LRP2BP: variants seen among roughly 807,000 people sequenced by gnomAD.
LRP2BP encodes LRP2-binding protein.
LRP2BP carries 38 observed loss-of-function variants against 45.2 expected under a neutral mutation model. The ratio of observed to expected loss-of-function variants is 0.84; its 90% CI spans 0.65 to 1.10. LRP2BP has a LOEUF of 1.10. LRP2BP is among the 50% of genes least tolerant of loss of function. The pLI is 0.00. For missense variants in LRP2BP, 385 were observed against 418.9 expected (o/e 0.92, Z 0.71); for synonymous variants, 153 against 153.9 (o/e 0.99, Z 0.04).
chr4:185,393,411 C>G (rs921162718), intron 1 of LRP2BP, among the ~76,000 whole-genome samples: 1 of 152,182 alleles, frequency 6.6e-6, no homozygotes, highest in Non-Finnish European at 1.5e-5. Flanking sequence ...CAATAAGAAA[C>G]AGGAAAACCA....
At chr4:185,396,042 G>A (rs1267409646), upstream of LRP2BP, 6 of 341,476 alleles carry the variant, frequency 1.8e-5, no homozygotes, top group Non-Finnish European at 2.5e-5. Flanking sequence ...CAGCCCCGCG[G>A]GTCCGAATCG....
At chr4:185,393,731 G>C (rs2126855729) in intron 1 of LRP2BP, among the ~76,000 whole-genome samples, 1 of 151,934 alleles carries the variant, frequency 6.6e-6, no homozygotes, top group Non-Finnish European at 1.5e-5. Flanking sequence ...TCACCATGTT[G>C]GCCATTCTGG....
chr4:185,371,270 T>G (rs2126786714), intron 7 of LRP2BP, among the ~76,000 whole-genome samples: 1 of 152,286 alleles, frequency 6.6e-6, no homozygotes, highest in South Asian at 2.1e-4. Flanking sequence ...CTGGGCGCGG[T>G]GGCTCACGCC....
Position 185,372,873 on chromosome 4 carries a change from A to G in LRP2BP, c.786T>C (p.Cys262=). 6.2e-7 allele frequency: 1 copy of G among 1,608,394 alleles called. No individual in the cohort carries two copies. Among genetic ancestry groups the G allele is most frequent in the Non-Finnish European group, 8.5e-7 (1 of 1,175,208 alleles). ...ACATTCACCTTTTGGAAAATGCAAC[A>G]CACTTTGTAAAAAATTTCATCTTAT... is the stretch of plus-strand genomic sequence containing the variant. ...YYYKMKFFTK[C]VAFSKRIADY... is the part of the protein sequence containing the mutation. Residue 262 remains cysteine, a synonymous_variant, in exon 7 of 9, where the codon TGT becomes TGC. Coordinates refer to ENST00000505916, the MANE Select transcript of LRP2BP (RefSeq NM_001377440.1).
chr4:185,377,837 A>G (rs2095443212), intron 2 of LRP2BP: 3 of 380,860 alleles, frequency 7.9e-6, no homozygotes, highest in Non-Finnish European at 1.4e-5. Flanking sequence ...TCTGTTTTCT[A>G]GAAGCATGTC....
chr4:185,381,745 G>A (rs545089887), intron 1 of LRP2BP, among the ~76,000 whole-genome samples: 1 of 152,230 alleles, frequency 6.6e-6, no homozygotes, highest in South Asian at 2.1e-4. Flanking sequence ...CAGCTGTTTT[G>A]GGGGGCTTCA....
chr4:185,379,993 C>G (rs2095450930), intron 1 of LRP2BP, among the ~76,000 whole-genome samples: 1 of 152,118 alleles, frequency 6.6e-6, no homozygotes, highest in South Asian at 2.1e-4. Flanking sequence ...CCAGCTAATT[C>G]CTTAAAATTT....
rs143178247 is a variant in LRP2BP, at chr4:185,376,932, G to A, written c.193C>T (p.Arg65Ter). The change falls in exon 3 of 9, where the codon CGA becomes TGA. Residue 65 changes from arginine to a stop codon, truncating the protein, a stop_gained. Coordinates refer to ENST00000505916, the MANE Select transcript of LRP2BP (RefSeq NM_001377440.1). LOFTEE classifies it high-confidence loss of function. The stretch of plus-strand genomic sequence containing the variant: ...ACCTCTTCAAAATATAGTTGACCTC[G>A]TAGGAAATATGCCAGAGTGTCTCCT... Reference protein sequence around the residue: ...LKGDTLAYFLRGQLYFEEGWY... With the variant: ...LKGDTLAYFL The A allele has an allele frequency of 2.2e-5, 36 of 1,612,896 alleles. No individual in the cohort carries two copies. In the South Asian group the frequency reaches 2.9e-4, roughly 13 times the overall value.
chr4:185,383,634 C>G (rs892073155), intron 1 of LRP2BP, among the ~76,000 whole-genome samples: 6 of 152,240 alleles, frequency 3.9e-5, no homozygotes, highest in Admixed American at 1.3e-4. Context: ...ACATCAGGAA[C>G]TTGGCACTTC....
chr4:185,374,175 C>T lies in LRP2BP; in HGVS notation c.539G>A (p.Gly180Glu), dbSNP rs1256237655. 6.2e-7 allele frequency: 1 copy of T among 1,614,056 alleles called. No homozygotes were observed. Among genetic ancestry groups the T allele is most frequent in the Non-Finnish European group, 8.5e-7 (1 of 1,180,006 alleles). Residue 180 changes from glycine (G) to glutamate (E), a missense_variant, in exon 6 of 9, where the codon GGG becomes GAG. By Grantham distance (98) the Gly-to-Glu change is moderately conservative. Transcript: ENST00000505916. ...KASVKAQSML[G>E]LYYSTKEPKE... ...GGGCTCCTTGGTTGAGTAATACAGCCCGAGCATACTTTGAGCCTTCACACT... is the reference window on the plus strand; with the variant it reads ...GGGCTCCTTGGTTGAGTAATACAGCTCGAGCATACTTTGAGCCTTCACACT...
chr4:185,393,168 T>TG (rs34491737), intron 1 of LRP2BP, among the ~76,000 whole-genome samples: 90,819 of 152,124 alleles, frequency 0.6, 30,154 homozygotes, highest in East Asian at 0.83. Context: ...TGGCCACAAG[T>TG]GATCTGCCTG....
chr4:185,392,245 C>T (rs974892551), intron 1 of LRP2BP, among the ~76,000 whole-genome samples: 1 of 152,184 alleles, frequency 6.6e-6, no homozygotes, highest in East Asian at 1.9e-4. Context: ...GTTCTTATCA[C>T]AACAGTGAAG....
At chr4:185,367,726 T>A (rs1441531802) in intron 8 of LRP2BP, among the ~76,000 whole-genome samples, 1 of 152,250 alleles carries the variant, frequency 6.6e-6, no homozygotes, top group Non-Finnish European at 1.5e-5. Flanking sequence ...AACCCCATTC[T>A]ATGCAGTAAT....
intron 1 of LRP2BP, among the ~76,000 whole-genome samples, chr4:185,389,904 T>TA (rs541339069): frequency 1.3e-4 from 19 of 151,962 alleles, no homozygotes; most frequent in African/African-American, 3.4e-4. Context: ...CCAAAACGTG[T>TA]AAAAAAAAGT....
chr4:185,381,206 T>C (rs2095455121), intron 1 of LRP2BP, among the ~76,000 whole-genome samples: 2 of 152,222 alleles, frequency 1.3e-5, no homozygotes, highest in African/African-American at 4.8e-5. Context: ...TGTAATATTT[T>C]GTGTCTAGCT....
upstream of LRP2BP, chr4:185,396,873 T>G: frequency 6.2e-7 from 1 of 1,602,454 alleles, no homozygotes; most frequent in Middle Eastern, 1.7e-4. Flanking sequence ...GCGGCGAGTG[T>G]CTCACCTCTC....
chr4:185,384,563 A>G (rs2095464863), intron 1 of LRP2BP, among the ~76,000 whole-genome samples: 1 of 151,524 alleles, frequency 6.6e-6, no homozygotes, highest in South Asian at 2.1e-4. Context: ...GAAATGAAAT[A>G]ATGAATAGCT....
intron 8 of LRP2BP, among the ~76,000 whole-genome samples, chr4:185,368,181 A>G (rs964085262): frequency 3.9e-5 from 6 of 152,202 alleles, no homozygotes; most frequent in Non-Finnish European, 8.8e-5. Context: ...CCGTCTCAAA[A>G]AAAAGAAAAC....
chr4:185,379,008 CAAT>C (rs2095447341), intron 1 of LRP2BP: 1 of 981,192 alleles, frequency 1.0e-6, no homozygotes, highest in Non-Finnish European at 1.2e-6. Context: ...CTATTTTAGA[CAAT>C]AAATTGCTTA....
Sources: allele counts gnomAD v4.1 joint callset (sites outside exome capture counted in the v4.1 genomes callset), GRCh38; gene constraint gnomAD v4.1.1; transcripts MANE v1.5; gene names NCBI Gene and HGNC (gene_info 2026-07-23, HGNC 2026-07-21).